Variants in SGMS2 observed in about 807,000 individuals in gnomAD.
SGMS2 encodes sphingomyelin synthase 2.
SGMS2 carries 21 observed loss-of-function variants against 43.8 expected under a neutral mutation model. That is an observed-to-expected ratio of 0.48 (90% CI 0.34 to 0.69). The LOEUF is 0.69. Among genes scored for constraint, SGMS2 ranks in the 30% least tolerant of loss-of-function variants. SGMS2 has a pLI of 0.01. For missense variants in SGMS2, 384 were observed against 443.2 expected, an observed-to-expected ratio of 0.87 and a Z score of 1.20; for synonymous variants, 167 against 160.6, an observed-to-expected ratio of 1.04 and a Z score of -0.30.
At position 107,910,262 on chromosome 4, in the gene SGMS2, G is replaced by C. The variant is rs1030204364; in HGVS notation, c.895-88G>C. On this transcript the variant is annotated intron_variant, in intron 6 of 6. Coordinates refer to ENST00000690982, the MANE Select transcript of SGMS2 (RefSeq NM_001375905.1). ...GTGATTCTGAATTCTGTTTTCCCTA[G>C]GTTACAGTGAATGACAATTTAAGAA... 1.1e-5 allele frequency: 12 copies of C among 1,121,012 alleles called. No homozygotes were observed. In the African/African-American group the frequency reaches 1.9e-4, roughly 17 times the overall value. 69.4% of individuals were successfully genotyped at this position (1,121,012 alleles called of 1,614,324 possible).
At position 107,913,522 on chromosome 4, in the gene SGMS2, CA is replaced by C. The variant is rs1732257556; in HGVS notation, c.*2972del. On this transcript the variant is annotated 3_prime_UTR_variant, in exon 7 of 7. Transcript: ENST00000690982. ...GCAATATACTTTATGACTTGGAATG[CA>C]AACACCACTTTTAAAAGCCTGTTTT... 1 of 152,130 alleles carries C rather than the reference CA, an allele frequency of 6.6e-6. No individual in the cohort carries two copies. Among genetic ancestry groups the C allele is most frequent in the Non-Finnish European group, 1.5e-5 (1 of 68,012 alleles). 9.4% of individuals were successfully genotyped at this position (152,130 alleles called of 1,614,324 possible).
At chr4:107,842,446 A>G (rs984211441) in intron 1 of SGMS2, among the ~76,000 whole-genome samples, 5 of 152,204 alleles carry the variant, frequency 3.3e-5, no homozygotes, top group African/African-American at 4.8e-5. Context: ...CTTATCACCA[A>G]GGGGATGGTG....
At chr4:107,866,322 T>C (rs1302111551) in intron 2 of SGMS2, among the ~76,000 whole-genome samples, 1 of 152,112 alleles carries the variant, frequency 6.6e-6, no homozygotes, top group Non-Finnish European at 1.5e-5. Context: ...CCCTAGCACT[T>C]TGGGAGGCCG....
chr4:107,868,693 G>A (rs1728323806), intron 2 of SGMS2, among the ~76,000 whole-genome samples: 2 of 151,992 alleles, frequency 1.3e-5, no homozygotes, highest in Non-Finnish European at 2.9e-5. Context: ...ACTCCAGCCT[G>A]GGCGACAAAG....
rs1305210458 is a variant in SGMS2, at chr4:107,825,088, G to A, written c.-492G>A. The A allele has an allele frequency of 6.6e-6, 1 of 152,246 alleles. No individual in the cohort carries two copies. Among genetic ancestry groups the A allele is most frequent in the East Asian group, 1.9e-4 (1 of 5,152 alleles). 9.4% of individuals were successfully genotyped at this position (152,246 alleles called of 1,614,324 possible). ...GCTTCCCCTAGTCAGGCCGCGGCGT[G>A]GGAGGGCGAGACCCCGAGCAAACTT... On this transcript the variant is annotated 5_prime_UTR_variant, in exon 1 of 7. Coordinates refer to ENST00000690982, the MANE Select transcript of SGMS2 (RefSeq NM_001375905.1).
At chr4:107,896,910 TA>T (rs1730718216) in intron 3 of SGMS2, among the ~76,000 whole-genome samples, 1 of 152,210 alleles carries the variant, frequency 6.6e-6, no homozygotes, top group Non-Finnish European at 1.5e-5. Flanking sequence ...ATTAAATCAC[TA>T]AAATATGATT....
intron 1 of SGMS2, among the ~76,000 whole-genome samples, chr4:107,826,224 C>A (rs1725583218): frequency 6.6e-6 from 1 of 152,182 alleles, no homozygotes. Flanking sequence ...CAGACCCCAA[C>A]AAATTATAGC....
At chr4:107,845,604 G>C (rs796968028) in intron 1 of SGMS2, among the ~76,000 whole-genome samples, 7 of 152,322 alleles carry the variant, frequency 4.6e-5, no homozygotes, top group African/African-American at 1.7e-4. Context: ...CTTGAGACAA[G>C]CAGCTACTAA....
chr4:107,906,391 C>T (rs1731577928), intron 5 of SGMS2, among the ~76,000 whole-genome samples: 1 of 152,126 alleles, frequency 6.6e-6, no homozygotes, highest in Non-Finnish European at 1.5e-5. Flanking sequence ...ATAAAATTAG[C>T]CTGGAGAAAT....
intron 2 of SGMS2, chr4:107,867,753 ATG>A (rs1358022249): frequency 2.0e-4 from 30 of 152,330 alleles, no homozygotes; most frequent in African/African-American, 6.7e-4. Context: ...TAAGTACTAT[ATG>A]AGTGTTAGCT....
intron 2 of SGMS2, among the ~76,000 whole-genome samples, chr4:107,869,400 CAG>C (rs753841036): frequency 2.0e-5 from 3 of 151,960 alleles, no homozygotes; most frequent in Non-Finnish European, 2.9e-5. Context: ...GTGAAATAAA[CAG>C]AAATTCAGTA....
chr4:107,894,519 T>A (rs1446405299), intron 2 of SGMS2: 1 of 152,208 alleles, frequency 6.6e-6, no homozygotes, highest in African/African-American at 2.4e-5. Flanking sequence ...CCGTTTCTGT[T>A]GTTTGGTAGA....
intron 1 of SGMS2, among the ~76,000 whole-genome samples, chr4:107,849,471 TAGAA>T (rs1464506004): frequency 6.6e-6 from 1 of 152,152 alleles, no homozygotes; most frequent in African/African-American, 2.4e-5. Flanking sequence ...AGTCCGGCAA[TAGAA>T]AGTCAGAACA....
intron 3 of SGMS2, 80 bp downstream of exon 3, chr4:107,896,088 T>A: frequency 7.7e-7 from 1 of 1,290,424 alleles, no homozygotes; most frequent in Non-Finnish European, 1.1e-6. Flanking sequence ...TTATTTTTCC[T>A]TTTTTTCCCC....
intron 2 of SGMS2, among the ~76,000 whole-genome samples, chr4:107,888,629 T>G (rs1413466504): frequency 6.6e-6 from 1 of 152,142 alleles, no homozygotes; most frequent in Non-Finnish European, 1.5e-5. Context: ...TTTATAACTT[T>G]CTCTACATCT....
At chr4:107,909,529 A>G (rs1230413205) in intron 6 of SGMS2, among the ~76,000 whole-genome samples, 4 of 152,120 alleles carry the variant, frequency 2.6e-5, no homozygotes, top group African/African-American at 9.7e-5. Flanking sequence ...CTCATTTGCT[A>G]CTGCTGCTTC....
chr4:107,887,012 T>G (rs1378566069), intron 2 of SGMS2, among the ~76,000 whole-genome samples: 4 of 152,322 alleles, frequency 2.6e-5, no homozygotes, highest in Non-Finnish European at 4.4e-5. Flanking sequence ...TGTAAATAGC[T>G]TAAAAGTTTT....
intron 1 of SGMS2, among the ~76,000 whole-genome samples, chr4:107,844,021 G>A (rs1164735699): frequency 6.6e-6 from 1 of 152,130 alleles, no homozygotes; most frequent in Non-Finnish European, 1.5e-5. Flanking sequence ...GTTTCAAGAG[G>A]TGATTAAAAT....
chr4:107,852,697 C>G (rs1727218646), intron 1 of SGMS2, among the ~76,000 whole-genome samples: 1 of 151,884 alleles, frequency 6.6e-6, no homozygotes, highest in Non-Finnish European at 1.5e-5. Context: ...TTGTACCTAC[C>G]CACCATGTTG....
Sources: gnomAD v4.1 joint callset for allele counts (sites outside exome capture counted in the v4.1 genomes callset) on GRCh38, gnomAD v4.1.1 for gene constraint, MANE v1.5 for transcripts, NCBI Gene and HGNC (gene_info 2026-07-23, HGNC 2026-07-21) for gene names.